Variants in DENND4C observed in about 807,000 individuals in gnomAD.
The protein encoded by DENND4C is DENN domain containing 4C.
A neutral mutation model predicts 203.0 loss-of-function variants in DENND4C; 108 were observed. The ratio of observed to expected loss-of-function variants is 0.53; its 90% CI spans 0.46 to 0.62. The LOEUF is 0.62. Among genes scored for constraint, DENND4C ranks in the 20% least tolerant of loss-of-function variants. DENND4C has a pLI of 0.00. For synonymous variants in DENND4C, 871 were observed against 792.4 expected (o/e 1.10, Z -1.67); for missense variants, 2,481 against 2,301.2 (o/e 1.08, Z -1.60).
At chr9:19,355,916 A>G (rs752880192) in intron 26 of DENND4C, among the ~76,000 whole-genome samples, 7 of 151,960 alleles carry the variant, frequency 4.6e-5, no homozygotes, top group African/African-American at 9.7e-5. Flanking sequence ...CCTTTAACAC[A>G]GGTTTAAATT....
intron 9 of DENND4C, 152 bp from the exon 10 acceptor site, chr9:19,305,200 A>G (rs1839424008): frequency 1.6e-6 from 1 of 618,584 alleles, no homozygotes; most frequent in Non-Finnish European, 2.7e-6. Context: ...GCTTAGTAGT[A>G]TTTTATAGTC....
At chr9:19,309,800 G>A (rs1840392212) in intron 10 of DENND4C, among the ~76,000 whole-genome samples, 1 of 151,126 alleles carries the variant, frequency 6.6e-6, no homozygotes, top group African/African-American at 2.4e-5. Context: ...GTGATGCTTT[G>A]GTGTATGTAT....
intron 1 of DENND4C, among the ~76,000 whole-genome samples, chr9:19,274,241 A>T (rs1015100803): frequency 6.6e-6 from 1 of 152,054 alleles, no homozygotes. Context: ...TTGTTGCCTG[A>T]GGAGGAGAAA....
intron 27 of DENND4C, 103 bp downstream of exon 27, chr9:19,357,257 G>A (rs1825631078): frequency 9.1e-7 from 1 of 1,104,386 alleles, no homozygotes; most frequent in Non-Finnish European, 1.3e-6. Flanking sequence ...ATAAGTTCTG[G>A]CATTTAAGAG....
At chr9:19,332,338 C>G in intron 17 of DENND4C, 154 bp downstream of exon 17, 2 of 614,166 alleles carry the variant, frequency 3.3e-6, no homozygotes, top group Non-Finnish European at 5.6e-6. Context: ...GTGCATATTA[C>G]TTGTTTATTT....
At chr9:19,325,850 GT>G (rs1202266309) in intron 13 of DENND4C, 88 bp from the exon 14 acceptor site, 2 of 1,335,134 alleles carry the variant, frequency 1.5e-6, no homozygotes, top group South Asian at 2.6e-5. Flanking sequence ...AAAAGGGGTA[GT>G]TTTTTTCTAA....
At chr9:19,289,100 C>T (rs1036063203) in intron 4 of DENND4C, among the ~76,000 whole-genome samples, 2 of 152,182 alleles carry the variant, frequency 1.3e-5, no homozygotes, top group East Asian at 3.8e-4. Context: ...GGTGGACTTG[C>T]TTCCTTTCTC....
intron 2 of DENND4C, among the ~76,000 whole-genome samples, chr9:19,277,957 A>T (rs1386226797): frequency 6.6e-6 from 1 of 151,324 alleles, no homozygotes; most frequent in Non-Finnish European, 1.5e-5. Context: ...TATTACATTG[A>T]TTTTCTTTTG....
At position 19,336,344 on chromosome 9, in the gene DENND4C, A is replaced by G. The variant is rs771273929; in HGVS notation, c.2664A>G (p.Val888=). ...TATGGACGAAGGTACGGAATGTGGTACGTGGCTTGGCACAGTTTAGGCAGC... is the reference window on the plus strand; with the variant it reads ...TATGGACGAAGGTACGGAATGTGGTGCGTGGCTTGGCACAGTTTAGGCAGC... The part of the protein sequence containing the change: ...IFLWTKVRNV[V]RGLAQFRQPL... The change falls in exon 19 of 33, where the codon GTA becomes GTG. Residue 888 remains valine, a synonymous_variant. Coordinates refer to ENST00000434457, the MANE Select transcript of DENND4C (RefSeq NM_001330640.2). 6.2e-7 allele frequency: 1 copy of G among 1,614,106 alleles called. No homozygotes were observed. The highest frequency in any genetic ancestry group is 1.1e-5 in the South Asian group (1 of 91,072).
Position 19,276,432 on chromosome 9 carries a change from CCT to C in DENND4C, c.261_262del (p.Cys88LeufsTer2). 3 of 1,232,082 alleles carry C rather than the reference CCT, an allele frequency of 2.4e-6. No individual in the cohort carries two copies. The highest frequency in any genetic ancestry group is 3.0e-6 in the Non-Finnish European group (3 of 987,946). 76.3% of individuals were successfully genotyped at this position (1,232,082 alleles called of 1,614,324 possible). ...YGSLKSPELF[L>X]CYKRGRDKPP... ...GAAGTCTGAAAAGCCCAGAACTTTT[CCT>C]CTGTTATAAGAGAGGGAGAGATAAA... On this transcript the variant is annotated frameshift_variant, in exon 2 of 33. Transcript: ENST00000434457. LOFTEE classifies it high-confidence loss of function.
intron 1 of DENND4C, among the ~76,000 whole-genome samples, chr9:19,233,095 G>C (rs1820992087): frequency 1.3e-5 from 2 of 151,610 alleles, no homozygotes; most frequent in South Asian, 4.2e-4. Context: ...TGCACCTTAA[G>C]TACAGGTTGT....
intron 1 of DENND4C, among the ~76,000 whole-genome samples, chr9:19,269,455 G>A (rs1296389656): frequency 1.3e-5 from 2 of 152,118 alleles, no homozygotes; most frequent in East Asian, 1.9e-4. Flanking sequence ...CACCGTGTCC[G>A]GCCCCTTGAC....
chr9:19,346,578 A>G lies in DENND4C; in HGVS notation c.3809A>G (p.Asp1270Gly). 6.2e-7 allele frequency: 1 copy of G among 1,614,202 alleles called. No homozygotes were observed. ...CTGGKTPDSE[D>G]KLFSPVIARN... is the part of the protein sequence containing the mutation. ...GGAGGAAAAACTCCTGATTCTGAAG[A>G]TAAGTTGTTTTCTCCAGTTATTGCA... Residue 1270 changes from aspartate (D) to glycine (G), a missense_variant, in exon 23 of 33, where the codon GAT becomes GGT. Coordinates refer to ENST00000434457, the MANE Select transcript of DENND4C (RefSeq NM_001330640.2).
intron 1 of DENND4C, among the ~76,000 whole-genome samples, chr9:19,242,654 C>CTTTTTT (rs58190075): frequency 6.9e-6 from 1 of 145,214 alleles, no homozygotes; most frequent in African/African-American, 2.5e-5. Context: ...CTATTTCTTT[C>CTTTTTT]TTTTTTTTTT....
At chr9:19,291,965 A>AGATG (rs1410764768) in intron 5 of DENND4C, among the ~76,000 whole-genome samples, 8 of 152,074 alleles carry the variant, frequency 5.3e-5, no homozygotes, top group Non-Finnish European at 1.0e-4. Context: ...TTCAGGTTAA[A>AGATG]GATGTACTCT....
intron 1 of DENND4C, among the ~76,000 whole-genome samples, chr9:19,248,372 C>T (rs1356813065): frequency 6.6e-6 from 1 of 151,864 alleles, no homozygotes; most frequent in African/African-American, 2.4e-5. Flanking sequence ...CCACTTAGGC[C>T]CCTGCTTAGA....
chr9:19,352,380 A>T, intron 25 of DENND4C, 110 bp from the exon 26 acceptor site: 1 of 1,183,470 alleles, frequency 8.4e-7, no homozygotes, highest in South Asian at 1.7e-5. Flanking sequence ...TGTTATTAAT[A>T]ATTCCAAATT....
intron 23 of DENND4C, among the ~76,000 whole-genome samples, chr9:19,348,840 G>A (rs1823481649): frequency 6.6e-6 from 1 of 152,012 alleles, no homozygotes; most frequent in Non-Finnish European, 1.5e-5. Flanking sequence ...ACAGGCACTT[G>A]CTCTGTTACC....
intron 22 of DENND4C, among the ~76,000 whole-genome samples, chr9:19,344,947 C>T (rs989266969): frequency 1.9e-4 from 29 of 152,256 alleles, no homozygotes; most frequent in South Asian, 4.1e-4. Context: ...ATTGTATCCT[C>T]GTACAGCAGA....
Sources: allele counts gnomAD v4.1 joint callset (sites outside exome capture counted in the v4.1 genomes callset), GRCh38; gene constraint gnomAD v4.1.1; transcripts MANE v1.5; gene names NCBI Gene and HGNC (gene_info 2026-07-23, HGNC 2026-07-21).